The following LRRC20 variants were observed in gnomAD, a reference collection of about 807,000 sequenced individuals.
LRRC20 encodes the protein leucine-rich repeat-containing protein 20.
In LRRC20, 11 loss-of-function variants were observed where a neutral mutation model predicts 14.4. The ratio of observed to expected loss-of-function variants is 0.77; its 90% confidence interval spans 0.48 to 1.27. The LOEUF is 1.27. LRRC20 is among the 50% of genes most tolerant of loss of function. LRRC20 has a pLI of 0.00. For missense variants in LRRC20, 219 were observed against 251.2 expected (o/e 0.87, Z 0.87); for synonymous variants, 121 against 107.3 (o/e 1.13, Z -0.79).
At chr10:70,362,614 C>G (rs541435593) in intron 2 of LRRC20, among the ~76,000 whole-genome samples, 89 of 152,344 alleles carry the variant, frequency 5.8e-4, no homozygotes, top group Non-Finnish European at 9.1e-4. Context: ...GAACTCTCAT[C>G]TTTTCACCTC....
At chr10:70,326,503 A>G (rs1397604528) in intron 3 of LRRC20, among the ~76,000 whole-genome samples, 1 of 152,194 alleles carries the variant, frequency 6.6e-6, no homozygotes, top group African/African-American at 2.4e-5. Flanking sequence ...CTCAGGAGGC[A>G]GACAGTGCAG....
chr10:70,319,380 T>G (rs1294330512), intron 4 of LRRC20, among the ~76,000 whole-genome samples: 2 of 152,160 alleles, frequency 1.3e-5, no homozygotes, highest in Admixed American at 1.3e-4. Flanking sequence ...TGCCGCTGCA[T>G]CCACCTTCAA....
At chr10:70,365,505 AT>A (rs1250450077) in intron 2 of LRRC20, among the ~76,000 whole-genome samples, 2 of 152,224 alleles carry the variant, frequency 1.3e-5, no homozygotes, top group Non-Finnish European at 2.9e-5. Context: ...TGTATAAAAG[AT>A]AAAACGATAA....
At chr10:70,374,264 G>A (rs1192983620) in intron 2 of LRRC20, among the ~76,000 whole-genome samples, 1 of 152,000 alleles carries the variant, frequency 6.6e-6, no homozygotes, top group Non-Finnish European at 1.5e-5. Context: ...ACGCCCCGGT[G>A]AGAATTGTTT....
At chr10:70,317,116 G>A (rs768336107) in intron 4 of LRRC20, among the ~76,000 whole-genome samples, 3 of 152,226 alleles carry the variant, frequency 2.0e-5, no homozygotes, top group Non-Finnish European at 4.4e-5. Flanking sequence ...AGGGGCAGGA[G>A]AGAAGTGCCA....
chr10:70,318,533 C>T (rs753581662), intron 4 of LRRC20, among the ~76,000 whole-genome samples: 5 of 152,130 alleles, frequency 3.3e-5, no homozygotes, highest in African/African-American at 1.2e-4. Context: ...GCGGGCAGAT[C>T]GCTTGAGCTT....
In LRRC20 at chr10:70,366,096, A is replaced by AAC. The variant is rs202122825; in HGVS notation, c.82+10355_82+10356insGT. Among the ~76,000 whole-genome samples the AAC allele has an allele frequency of 5.8e-4, 85 of 146,658 alleles. 5 individuals are homozygous for AAC. Among genetic ancestry groups the AAC allele is most frequent in the South Asian group, 8.6e-4 (4 of 4,630 alleles). On this transcript the variant is annotated intron_variant, in intron 2 of 4. Coordinates refer to ENST00000446961, the MANE Select transcript of LRRC20 (RefSeq NM_001278212.2). Reference sequence around the variant, plus strand: ...AAAAAAAAAAAAAAAACAACAACAAAAAACGAATGGATAGCCAACAAGCAC... The same window carrying AAC: ...AAAAAAAAAAAAAAAACAACAACAAAACAAACGAATGGATAGCCAACAAGCAC...
At chr10:70,361,862 A>G (rs1285518118) in intron 2 of LRRC20, among the ~76,000 whole-genome samples, 1 of 152,206 alleles carries the variant, frequency 6.6e-6, no homozygotes, top group Non-Finnish European at 1.5e-5. Flanking sequence ...AAAACAGTCA[A>G]CTGAGATTGA....
intron 2 of LRRC20, among the ~76,000 whole-genome samples, chr10:70,371,397 G>A (rs1844262577): frequency 6.6e-6 from 1 of 152,106 alleles, no homozygotes; most frequent in African/African-American, 2.4e-5. Context: ...CTAGGTGCCT[G>A]GGGGCTCCCA....
intron 3 of LRRC20, among the ~76,000 whole-genome samples, chr10:70,325,389 C>T (rs114622696): frequency 9.5e-4 from 145 of 152,300 alleles, no homozygotes; most frequent in African/African-American, 3.4e-3. Flanking sequence ...CCCTCCCATC[C>T]CTGTTCTGCA....
intron 2 of LRRC20, among the ~76,000 whole-genome samples, chr10:70,371,554 G>A (rs1844272102): frequency 6.6e-6 from 1 of 151,944 alleles, no homozygotes; most frequent in African/African-American, 2.4e-5. Flanking sequence ...GGGAAGCCTG[G>A]CCCCACAACC....
At chr10:70,352,711 T>C (rs925857865) in intron 2 of LRRC20, among the ~76,000 whole-genome samples, 1 of 152,184 alleles carries the variant, frequency 6.6e-6, no homozygotes, top group African/African-American at 2.4e-5. Context: ...TATTCTTAAC[T>C]CTTAATTTTG....
chr10:70,331,463 T>G (rs1842533301), intron 3 of LRRC20, among the ~76,000 whole-genome samples: 1 of 152,110 alleles, frequency 6.6e-6, no homozygotes, highest in Non-Finnish European at 1.5e-5. Flanking sequence ...AATAAAAGTG[T>G]GGCCAAAGCC....
At chr10:70,327,519 T>C (rs527364243) in intron 3 of LRRC20, among the ~76,000 whole-genome samples, 10 of 151,356 alleles carry the variant, frequency 6.6e-5, no homozygotes, top group African/African-American at 2.2e-4. Flanking sequence ...GAGGCAGAGG[T>C]TGCAGTAGCT....
At chr10:70,352,384 CAAAT>C (rs1200569088) in intron 2 of LRRC20, among the ~76,000 whole-genome samples, 2 of 152,012 alleles carry the variant, frequency 1.3e-5, no homozygotes, top group African/African-American at 4.8e-5. Context: ...TGAAACTTGT[CAAAT>C]AAATCCTCCT....
At chr10:70,377,772 C>A (rs990183781) in intron 1 of LRRC20, among the ~76,000 whole-genome samples, 1 of 152,216 alleles carries the variant, frequency 6.6e-6, no homozygotes, top group Non-Finnish European at 1.5e-5. Context: ...CAAGGCCAAG[C>A]CAGGGCTGGC....
At chr10:70,372,001 C>T (rs2137157374) in intron 2 of LRRC20, among the ~76,000 whole-genome samples, 1 of 152,244 alleles carries the variant, frequency 6.6e-6, no homozygotes, top group African/African-American at 2.4e-5. Context: ...TGTAACTGAG[C>T]TCTTCCAGCC....
At chr10:70,317,408 G>A (rs1841904029) in intron 4 of LRRC20, among the ~76,000 whole-genome samples, 1 of 151,364 alleles carries the variant, frequency 6.6e-6, no homozygotes, top group Non-Finnish European at 1.5e-5. Flanking sequence ...GTCTCCCTCT[G>A]TCACCCAGAC....
At chr10:70,362,221 A>G (rs116071360) in intron 2 of LRRC20, among the ~76,000 whole-genome samples, 1 of 152,232 alleles carries the variant, frequency 6.6e-6, no homozygotes, top group African/African-American at 2.4e-5. Context: ...GCCTTAAAGT[A>G]TAAGAAGGGC....
Sources: allele counts gnomAD v4.1 joint callset (sites outside exome capture counted in the v4.1 genomes callset), GRCh38; gene constraint gnomAD v4.1.1; transcripts MANE v1.5; gene names NCBI Gene and HGNC (gene_info 2026-07-23, HGNC 2026-07-21).